The following CPEB1 variants were observed in gnomAD, a reference collection of about 807,000 sequenced individuals.
The protein encoded by CPEB1 is cytoplasmic polyadenylation element binding protein 1.
Under a neutral mutation model 65.8 loss-of-function variants are expected in CPEB1, and 7 were observed. The ratio of observed to expected loss-of-function variants is 0.11; its 90% confidence interval spans 0.06 to 0.20. CPEB1 has a LOEUF of 0.20. CPEB1 is among the 10% of genes least tolerant of loss of function. The probability of loss-of-function intolerance (pLI) is 1.00; values close to 1 mark genes in which losing one functional copy is unlikely to be tolerated. For missense variants in CPEB1, 551 were observed against 712.2 expected (o/e 0.77, Z 2.58); for synonymous variants, 262 against 260.0 (o/e 1.01, Z -0.08).
Position 82,576,535 on chromosome 15 carries a change from T to C in CPEB1, c.272-5003A>G, listed in dbSNP as rs545371665. On this transcript the variant is annotated intron_variant, in intron 3 of 12. Transcript: ENST00000684509. Reference sequence around the variant, plus strand: ...GGGTAAACTGTAGCAATGTCTACAATTTAAAGATATGTGATAAGGCAAATA... The same window carrying C: ...GGGTAAACTGTAGCAATGTCTACAACTTAAAGATATGTGATAAGGCAAATA... Among the ~76,000 whole-genome samples, 4 of 152,332 alleles carry C rather than the reference T, an allele frequency of 2.6e-5. No individual in the cohort carries two copies. In the East Asian group the frequency reaches 7.7e-4, roughly 29 times the overall value.
intron 3 of CPEB1, 98 bp downstream of exon 3, chr15:82,627,095 T>C: frequency 2.0e-6 from 2 of 976,342 alleles, no homozygotes; most frequent in Non-Finnish European, 2.9e-6. Flanking sequence ...CTCAACATTG[T>C]TCTTCACAAG....
At chr15:82,632,797 G>A (rs949078074) in intron 1 of CPEB1, among the ~76,000 whole-genome samples, 1 of 151,986 alleles carries the variant, frequency 6.6e-6, no homozygotes, top group African/African-American at 2.4e-5. Flanking sequence ...TCAAAGTGCT[G>A]GGATTACAGG....
At chr15:82,605,266 GAC>G (rs1043427029) in intron 3 of CPEB1, among the ~76,000 whole-genome samples, 1 of 152,158 alleles carries the variant, frequency 6.6e-6, no homozygotes, top group African/African-American at 2.4e-5. Context: ...AAGAATGCTA[GAC>G]AGTTACTTTA....
chr15:82,557,124 TC>T (rs1252321035), intron 5 of CPEB1, among the ~76,000 whole-genome samples: 1 of 152,194 alleles, frequency 6.6e-6, no homozygotes, highest in Non-Finnish European at 1.5e-5. Flanking sequence ...ATCTATAATA[TC>T]CCCTACCTAT....
At chr15:82,601,269 G>C (rs937767475) in intron 3 of CPEB1, among the ~76,000 whole-genome samples, 5 of 151,042 alleles carry the variant, frequency 3.3e-5, no homozygotes, top group African/African-American at 1.2e-4. Context: ...CACTGGGCAC[G>C]GTGGCTCACG....
chr15:82,584,757 A>T (rs1427811312), intron 3 of CPEB1, among the ~76,000 whole-genome samples: 2 of 151,828 alleles, frequency 1.3e-5, no homozygotes, highest in Admixed American at 6.6e-5. Flanking sequence ...GGATATAAAA[A>T]ATTAACACAA....
At chr15:82,560,842 AG>A (rs2150993496) in intron 4 of CPEB1, among the ~76,000 whole-genome samples, 1 of 152,366 alleles carries the variant, frequency 6.6e-6, no homozygotes, top group Non-Finnish European at 1.5e-5. Context: ...TTGGACTTAA[AG>A]GATTTTCTCC....
intron 1 of CPEB1, chr15:82,629,853 C>A: frequency 1.0e-6 from 1 of 985,416 alleles, no homozygotes; most frequent in Non-Finnish European, 1.2e-6. Context: ...GTTTTACCAA[C>A]TCTGCAGGAT....
Position 82,544,479 on chromosome 15 carries a change from T to A in CPEB1, c.*113A>T, listed in dbSNP as rs2034815849. 1.5e-6 allele frequency: 1 copy of A among 684,562 alleles called. No individual in the cohort carries two copies. The highest frequency in any genetic ancestry group is 2.6e-6 in the Non-Finnish European group (1 of 391,738). The allele number at this position is 684,562 out of a possible 1,614,324, so 42.4% of individuals were successfully genotyped here. On this transcript the variant is annotated 3_prime_UTR_variant, in exon 13 of 13. Transcript: ENST00000684509. ...AGCAAGTGCAAAGGTGACTACAATT[T>A]TCCCTTGTCCTTGGGAAGCCAGCTC...
chr15:82,630,553 C>G lies in CPEB1; in HGVS notation c.-97-1997G>C, dbSNP rs946443067. Among the ~76,000 whole-genome samples, 5 of 151,936 alleles carry G rather than the reference C, an allele frequency of 3.3e-5. 1 individual carries two copies. Among genetic ancestry groups the G allele is most frequent in the African/African-American group, 1.2e-4 (5 of 41,338 alleles). On this transcript the variant is annotated intron_variant, in intron 1 of 12. Transcript: ENST00000684509. Reference sequence around the variant, plus strand: ...CCCAGGAGGCAGAGGTTGCAGTGAGCAGAGATTGTGCCACCACACTCCAGC... The same window carrying G: ...CCCAGGAGGCAGAGGTTGCAGTGAGGAGAGATTGTGCCACCACACTCCAGC...
chr15:82,601,901 G>A lies in CPEB1; in HGVS notation c.271+25292C>T, dbSNP rs115937004. On this transcript the variant is annotated intron_variant, in intron 3 of 12. Transcript: ENST00000684509. ...TAAAAGGAGAGATAATTGAGATAAC[G>A]AAAGCTAGAGATTTTAACACATTTC... Among the ~76,000 whole-genome samples, 1,011 of 152,208 alleles carry A rather than the reference G, an allele frequency of 6.6e-3. 10 individuals are homozygous for A. The highest frequency in any genetic ancestry group is 0.023 in the African/African-American group (941 of 41,530).
At chr15:82,624,833 C>CT (rs5814121) in intron 3 of CPEB1, among the ~76,000 whole-genome samples, 10,603 of 148,526 alleles carry the variant, frequency 0.071, 588 homozygotes, top group African/African-American at 0.15. Context: ...GAGTGTCATA[C>CT]TTTTTTTTTT....
intron 6 of CPEB1, among the ~76,000 whole-genome samples, chr15:82,555,322 A>G (rs1173472314): frequency 6.6e-6 from 1 of 152,202 alleles, no homozygotes; most frequent in East Asian, 1.9e-4. Context: ...TAAATGTCAG[A>G]ACCTTAAGGA....
chr15:82,568,848 C>T (rs776133726), intron 4 of CPEB1, among the ~76,000 whole-genome samples: 1 of 152,174 alleles, frequency 6.6e-6, no homozygotes, highest in Non-Finnish European at 1.5e-5. Flanking sequence ...AACGAATGCT[C>T]GACGTTTGCC....
At chr15:82,578,375 G>T (rs1321406895) in intron 3 of CPEB1, among the ~76,000 whole-genome samples, 1 of 152,138 alleles carries the variant, frequency 6.6e-6, no homozygotes, top group Non-Finnish European at 1.5e-5. Flanking sequence ...TCAAAGAATT[G>T]TATGAACTAG....
chr15:82,568,906 T>C (rs1245346079), intron 4 of CPEB1, among the ~76,000 whole-genome samples: 1 of 152,200 alleles, frequency 6.6e-6, no homozygotes, highest in Non-Finnish European at 1.5e-5. Context: ...TGCTCATTAC[T>C]TAAGAGTGGT....
intron 12 of CPEB1, among the ~76,000 whole-genome samples, chr15:82,546,220 C>T (rs1805945264): frequency 4.6e-5 from 7 of 152,188 alleles, no homozygotes. Context: ...AGCTATTCGC[C>T]TGCCTCAGCC....
rs529831713 is a variant in CPEB1, at chr15:82,629,555, T to C, written c.-97-999A>G. ...ATCCACCAGATGCCCAAAGCAGAAA[T>C]GTAGGTACCATTCTTCACTCCGGTC... On this transcript the variant is annotated intron_variant, in intron 1 of 12. Coordinates refer to ENST00000684509, the MANE Select transcript of CPEB1 (RefSeq NM_001365242.1). 1.6e-4 allele frequency: 162 copies of C among 985,362 alleles called. 1 individual carries two copies. In the South Asian group the frequency reaches 6.9e-3, roughly 42 times the overall value. 61.0% of individuals were successfully genotyped at this position (985,362 alleles called of 1,614,324 possible).
At chr15:82,634,284 A>C (rs534340662) in intron 1 of CPEB1, among the ~76,000 whole-genome samples, 2 of 152,180 alleles carry the variant, frequency 1.3e-5, no homozygotes, top group African/African-American at 4.8e-5. Context: ...AAGATCCCCA[A>C]ATTTTATATT....
Sources: gnomAD v4.1 joint callset for allele counts (sites outside exome capture counted in the v4.1 genomes callset) on GRCh38, gnomAD v4.1.1 for gene constraint, MANE v1.5 for transcripts, NCBI Gene and HGNC (gene_info 2026-07-23, HGNC 2026-07-21) for gene names.